GPC5: variants seen among roughly 807,000 people sequenced by gnomAD.
GPC5 encodes glypican-5.
Under a neutral mutation model 53.9 loss-of-function variants are expected in GPC5, and 47 were observed. The ratio of observed to expected loss-of-function variants is 0.87; its 90% CI spans 0.69 to 1.11. The LOEUF (loss-of-function observed/expected upper bound fraction) is 1.11, where lower values mean the gene tolerates loss of function less well. Among genes scored for constraint, GPC5 ranks in the 50% most tolerant of loss-of-function variants. The pLI is 0.00. For missense variants in GPC5, 748 were observed against 713.1 expected (o/e 1.05, Z -0.56); for synonymous variants, 286 against 263.3 (o/e 1.09, Z -0.84).
At chr13:91,955,438 T>G (rs1401699483) in intron 6 of GPC5, among the ~76,000 whole-genome samples, 1 of 152,154 alleles carries the variant, frequency 6.6e-6, no homozygotes, top group Non-Finnish European at 1.5e-5. Context: ...AATCACACTT[T>G]GAATAGACGA....
chr13:91,851,199 G>A (rs1183406277), intron 5 of GPC5, among the ~76,000 whole-genome samples: 1 of 152,136 alleles, frequency 6.6e-6, no homozygotes, highest in East Asian at 1.9e-4. Context: ...TTAGAGATGA[G>A]ATACAGCCAG....
chr13:92,530,041 C>T (rs1881500202), intron 7 of GPC5, among the ~76,000 whole-genome samples: 1 of 152,126 alleles, frequency 6.6e-6, no homozygotes, highest in South Asian at 2.1e-4. Context: ...TCTCATCGTG[C>T]CACTGCACCC....
chr13:91,415,525 A>AATGAGCC (rs756913333), intron 1 of GPC5, among the ~76,000 whole-genome samples: 2 of 152,098 alleles, frequency 1.3e-5, no homozygotes, highest in Non-Finnish European at 2.9e-5. Flanking sequence ...TGGTTTCCCC[A>AATGAGCC]ATGAGCCACA....
chr13:92,229,748 AC>A (rs201770033), intron 7 of GPC5, among the ~76,000 whole-genome samples: 1,545 of 152,176 alleles, frequency 0.01, 26 homozygotes, highest in African/African-American at 0.033. Context: ...TTTCAGAGAT[AC>A]AGAAAAGTTA....
At chr13:91,763,775 C>T (rs985253949) in intron 5 of GPC5, among the ~76,000 whole-genome samples, 2 of 152,118 alleles carry the variant, frequency 1.3e-5, no homozygotes, top group Admixed American at 1.3e-4. Flanking sequence ...AAGTAGTTAT[C>T]TCATGGTTTG....
chr13:92,552,924 C>A (rs1480382285), intron 7 of GPC5, among the ~76,000 whole-genome samples: 1 of 151,788 alleles, frequency 6.6e-6, no homozygotes, highest in Non-Finnish European at 1.5e-5. Flanking sequence ...ACTTTCTTTT[C>A]TTCTCACTTT....
chr13:91,628,320 A>G (rs1327165829), intron 2 of GPC5, among the ~76,000 whole-genome samples: 3 of 152,132 alleles, frequency 2.0e-5, no homozygotes, highest in Non-Finnish European at 1.5e-5. Context: ...CTTTACTGCT[A>G]ATAATAATAT....
chr13:92,413,354 TA>T (rs1876133639), intron 7 of GPC5, among the ~76,000 whole-genome samples: 1 of 152,226 alleles, frequency 6.6e-6, no homozygotes, highest in South Asian at 2.1e-4. Context: ...AAATACCATC[TA>T]AATCCAGAAT....
At chr13:91,835,362 TTA>T (rs1297073669) in intron 5 of GPC5, among the ~76,000 whole-genome samples, 3 of 152,156 alleles carry the variant, frequency 2.0e-5, no homozygotes, top group Non-Finnish European at 4.4e-5. Context: ...GAAATACCAT[TTA>T]ACTCAGCAAT....
chr13:92,002,778 T>C (rs2040567335), intron 6 of GPC5, among the ~76,000 whole-genome samples: 2 of 152,170 alleles, frequency 1.3e-5, no homozygotes, highest in South Asian at 4.1e-4. Flanking sequence ...GGCTGGTGTA[T>C]CTTAATTTCT....
intron 7 of GPC5, among the ~76,000 whole-genome samples, chr13:92,155,515 T>C (rs1296101229): frequency 1.3e-5 from 2 of 152,178 alleles, no homozygotes; most frequent in East Asian, 3.8e-4. Context: ...TATTGAATTA[T>C]GGTTTTAATA....
chr13:91,895,543 T>C (rs1249267241), intron 5 of GPC5, among the ~76,000 whole-genome samples: 1 of 152,196 alleles, frequency 6.6e-6, no homozygotes, highest in Non-Finnish European at 1.5e-5. Context: ...TAGTCATTTC[T>C]GATGGTTCTT....
chr13:91,434,398 C>T (rs944566542), intron 1 of GPC5, among the ~76,000 whole-genome samples: 5 of 151,990 alleles, frequency 3.3e-5, no homozygotes, highest in Non-Finnish European at 7.4e-5. Context: ...AGGAAGGGAT[C>T]CAGTTTCAGC....
At chr13:92,853,500 T>A (rs912060487) in intron 7 of GPC5, among the ~76,000 whole-genome samples, 1 of 152,146 alleles carries the variant, frequency 6.6e-6, no homozygotes, top group Non-Finnish European at 1.5e-5. Context: ...CCCCATCCGA[T>A]AAGGCGAGAA....
intron 2 of GPC5, among the ~76,000 whole-genome samples, chr13:91,691,717 CTG>C (rs2035761368): frequency 6.6e-6 from 1 of 152,144 alleles, no homozygotes; most frequent in Non-Finnish European, 1.5e-5. Context: ...TACTTGGACT[CTG>C]TGGCATATTC....
At chr13:91,771,058 G>C (rs868809593) in intron 5 of GPC5, among the ~76,000 whole-genome samples, 1 of 152,050 alleles carries the variant, frequency 6.6e-6, no homozygotes, top group Non-Finnish European at 1.5e-5. Flanking sequence ...AGAATAAAGC[G>C]TATACAACTT....
At chr13:92,466,954 TGC>T (rs1377350539) in intron 7 of GPC5, among the ~76,000 whole-genome samples, 1 of 152,072 alleles carries the variant, frequency 6.6e-6, no homozygotes, top group Non-Finnish European at 1.5e-5. Context: ...GAATATGAGG[TGC>T]TAATTAAAAG....
intron 7 of GPC5, among the ~76,000 whole-genome samples, chr13:92,192,800 T>C (rs936839207): frequency 3.3e-5 from 5 of 152,228 alleles, no homozygotes; most frequent in Non-Finnish European, 7.3e-5. Context: ...CCATTATGTT[T>C]GCATGACAAA....
chr13:92,089,997 T>C (rs1324344573), intron 6 of GPC5, among the ~76,000 whole-genome samples: 1 of 152,214 alleles, frequency 6.6e-6, no homozygotes, highest in Non-Finnish European at 1.5e-5. Flanking sequence ...ATTGAGTTCG[T>C]ATCATGTCCC....
Sources: allele counts gnomAD v4.1 joint callset (sites outside exome capture counted in the v4.1 genomes callset), GRCh38; gene constraint gnomAD v4.1.1; transcripts MANE v1.5; gene names NCBI Gene and HGNC (gene_info 2026-07-23, HGNC 2026-07-21).